Variants in EMILIN2 observed in about 807,000 individuals in gnomAD.
EMILIN2 encodes the protein elastin microfibril interfacer 2.
In EMILIN2, 71 loss-of-function variants were observed where a neutral mutation model predicts 87.1. The ratio of observed to expected loss-of-function variants is 0.82; its 90% CI spans 0.67 to 0.99. The LOEUF (loss-of-function observed/expected upper bound fraction) is 0.99. EMILIN2 is among the 50% of genes least tolerant of loss of function. EMILIN2 has a pLI of 0.00. For missense variants in EMILIN2, 1,407 were observed against 1,371.8 expected (o/e 1.03, Z -0.40); for synonymous variants, 581 against 563.4 (o/e 1.03, Z -0.44).
chr18:2,911,042 A>G (rs1020276433), intron 7 of EMILIN2, among the ~76,000 whole-genome samples: 4 of 152,178 alleles, frequency 2.6e-5, no homozygotes, highest in Non-Finnish European at 4.4e-5. Context: ...ACAGGCCTCA[A>G]TGCTTGCCTC....
At chr18:2,888,530 A>G (rs1052413774) in intron 3 of EMILIN2, among the ~76,000 whole-genome samples, 36 of 152,136 alleles carry the variant, frequency 2.4e-4, no homozygotes, top group African/African-American at 8.7e-4. Flanking sequence ...CCTGGCTAAC[A>G]CAGTGAAACC....
chr18:2,847,246 C>A lies in EMILIN2; in HGVS notation c.58C>A (p.Leu20Met). 7.8e-7 allele frequency: 1 copy of A among 1,285,196 alleles called. No individual in the cohort carries two copies. Among genetic ancestry groups the A allele is most frequent in the Non-Finnish European group, 9.8e-7 (1 of 1,017,886 alleles). 79.6% of individuals were successfully genotyped at this position (1,285,196 alleles called of 1,614,324 possible). A position where few individuals can be genotyped will look rare whatever the true frequency, so the allele number is the denominator to read the frequency against. Residue 20 changes from leucine (L) to methionine (M), a missense_variant, in exon 1 of 8, where the codon CTG becomes ATG. By Grantham distance (15) the Leu-to-Met change is conservative. Coordinates refer to ENST00000254528, the MANE Select transcript of EMILIN2 (RefSeq NM_032048.3). This position sits in a 1 kb window ranked among gnomAD's most constrained non-coding sequence, Gnocchi z 4.5. ...RVPWRWALAL[L>M]ALVGAGLCHA... ...GCCCTGGCGCTGGGCGCTGGCGCTG[C>A]TGGCCCTGGTTGGCGCGGGGCTGTG...
chr18:2,878,171 G>GTGGT (rs2076759162), intron 2 of EMILIN2, among the ~76,000 whole-genome samples: 1 of 152,152 alleles, frequency 6.6e-6, no homozygotes, highest in South Asian at 2.1e-4. Flanking sequence ...CCGCACAATT[G>GTGGT]TATGCTTAAA....
At position 2,906,916 on chromosome 18, in the gene EMILIN2, C is replaced by A. The variant is rs929064586; in HGVS notation, c.2493C>A (p.Pro831=). 1 of 1,395,662 alleles carries A rather than the reference C, an allele frequency of 7.2e-7. No homozygotes were observed. Among genetic ancestry groups the A allele is most frequent in the South Asian group, 1.5e-5 (1 of 65,248 alleles). The allele number at this position is 1,395,662 out of a possible 1,614,324, so 86.5% of individuals were successfully genotyped here. A position where few individuals can be genotyped will look rare whatever the true frequency, so the allele number is the denominator to read the frequency against. ...GRRPVLPQRP[P]EERPPQPPGS... ...GGCCCGTCCTGCCCCAGCGGCCCCC[C>A]GAGGAGAGGCCGCCCCAGCCGCCAG... The change falls in exon 5 of 8, where the codon CCC becomes CCA. Residue 831 remains proline (P), a synonymous_variant. Transcript: ENST00000254528.
chr18:2,862,245 C>T (rs1433303265), intron 2 of EMILIN2, among the ~76,000 whole-genome samples: 4 of 152,072 alleles, frequency 2.6e-5, no homozygotes, highest in Non-Finnish European at 5.9e-5. Context: ...TGCCTCATTG[C>T]CCTGGCCAGA....
At chr18:2,874,245 G>C (rs1208514638) in intron 2 of EMILIN2, among the ~76,000 whole-genome samples, 1 of 152,092 alleles carries the variant, frequency 6.6e-6, no homozygotes, top group African/African-American at 2.4e-5. Flanking sequence ...TTAAGAGACA[G>C]TGTCTCATTA....
rs772348013 is a variant in EMILIN2, at chr18:2,891,559, G to A, written c.1432G>A (p.Ala478Thr). The A allele has an allele frequency of 1.7e-5, 28 of 1,614,026 alleles. No individual in the cohort carries two copies. Among genetic ancestry groups the A allele is most frequent in the Admixed American group, 5.0e-5 (3 of 60,018 alleles). The change falls in exon 4 of 8, where the codon GCC becomes ACC. Residue 478 changes from alanine to threonine, a missense_variant. By Grantham distance (58) the Ala-to-Thr change is moderately conservative. Transcript: ENST00000254528. This position sits in a 1 kb window ranked among gnomAD's most constrained non-coding sequence, Gnocchi z 4.6. Reference sequence around the variant, plus strand: ...TTACATTGAGGAAACCCTTCGGGGCGCCATTAATGGAGAGGTGGGTGACTT... The same window carrying A: ...TTACATTGAGGAAACCCTTCGGGGCACCATTAATGGAGAGGTGGGTGACTT... ...CFYIEETLRG[A>T]INGEVGDLKQ...
At position 2,847,455 on chromosome 18, in the gene EMILIN2, T is replaced by G; in HGVS notation, c.134+133T>G. The G allele has an allele frequency of 9.4e-7, 1 of 1,060,940 alleles. No homozygotes were observed. Among genetic ancestry groups the G allele is most frequent in the Non-Finnish European group, 1.2e-6 (1 of 825,554 alleles). The allele number at this position is 1,060,940 out of a possible 1,614,324, so 65.7% of individuals were successfully genotyped here. A position where few individuals can be genotyped will look rare whatever the true frequency, so the allele number is the denominator to read the frequency against. On this transcript the variant is annotated intron_variant, in intron 1 of 7. Coordinates refer to ENST00000254528, the MANE Select transcript of EMILIN2 (RefSeq NM_032048.3). The surrounding 1 kb of genome is among the most constrained non-coding windows in gnomAD (Gnocchi z 4.5). ...CCTTGGACTTCCCCGGGCGGCTCCC[T>G]CTGCGGGGGACCGCGCGCTCCGCAG...
At chr18:2,910,065 G>A (rs113367521) in intron 7 of EMILIN2, among the ~76,000 whole-genome samples, 152 of 152,160 alleles carry the variant, frequency 1.0e-3, no homozygotes, top group Middle Eastern at 3.4e-3. Context: ...AGGTCAACAC[G>A]CTAGTCCTCA....
At chr18:2,862,937 G>T (rs187595634) in intron 2 of EMILIN2, among the ~76,000 whole-genome samples, 1 of 152,142 alleles carries the variant, frequency 6.6e-6, no homozygotes, top group Non-Finnish European at 1.5e-5. Context: ...ACTTCTTCCT[G>T]GTTTAGTCTT....
intron 2 of EMILIN2, among the ~76,000 whole-genome samples, chr18:2,856,164 A>G (rs923125377): frequency 6.6e-6 from 1 of 152,108 alleles, no homozygotes; most frequent in African/African-American, 2.4e-5. Context: ...CGCTTGAGTC[A>G]AGGAGTTTGA....
chr18:2,891,997 C>T lies in EMILIN2; in HGVS notation c.1870C>T (p.His624Tyr), dbSNP rs1302048193. Residue 624 changes from histidine to tyrosine, a missense_variant, in exon 4 of 8, where the codon CAT becomes TAT. Transcript: ENST00000254528. This position sits in a 1 kb window ranked among gnomAD's most constrained non-coding sequence, Gnocchi z 4.6. ...QLNHTENDVT[H>Y]LQKEMSNCRA... ...AAACCACACAGAAAATGATGTGACT[C>T]ATCTTCAAAAGGAAATGAGCAATTG... 2 of 1,614,122 alleles carry T rather than the reference C, an allele frequency of 1.2e-6. No individual in the cohort carries two copies. The highest frequency in any genetic ancestry group is 1.3e-5 in the African/African-American group (1 of 74,936).
chr18:2,887,660 T>C (rs753952338), intron 3 of EMILIN2, among the ~76,000 whole-genome samples: 1 of 152,232 alleles, frequency 6.6e-6, no homozygotes, highest in East Asian at 1.9e-4. Context: ...GCTGACACCA[T>C]GTTTCTTGTA....
chr18:2,891,773 T>C lies in EMILIN2; in HGVS notation c.1646T>C (p.Val549Ala). 6.2e-7 allele frequency: 1 copy of C among 1,614,216 alleles called. No individual in the cohort carries two copies. Among genetic ancestry groups the C allele is most frequent in the Non-Finnish European group, 8.5e-7 (1 of 1,180,036 alleles). Residue 549 changes from valine to alanine, a missense_variant, in exon 4 of 8, where the codon GTT (valine) becomes GCT (alanine). Val to Ala is a moderately conservative substitution (Grantham distance 64). Transcript: ENST00000254528. This position sits in a 1 kb window ranked among gnomAD's most constrained non-coding sequence, Gnocchi z 4.6. ...LNHLKDKVQV[V>A]EDICLLNIQG... ...CACCTGAAGGACAAAGTTCAAGTTGTTGAAGACATTTGCCTGCTGAACATC... is the reference window on the plus strand; with the variant it reads ...CACCTGAAGGACAAAGTTCAAGTTGCTGAAGACATTTGCCTGCTGAACATC...
chr18:2,913,307 TC>T lies in EMILIN2; in HGVS notation c.3066del (p.Val1023TrpfsTer2). 6.2e-7 allele frequency: 1 copy of T among 1,613,236 alleles called. No homozygotes were observed. Among genetic ancestry groups the T allele is most frequent in the Non-Finnish European group, 8.5e-7 (1 of 1,179,486 alleles). On this transcript the variant is annotated frameshift_variant, in exon 8 of 8. Coordinates refer to ENST00000254528, the MANE Select transcript of EMILIN2 (RefSeq NM_032048.3). LOFTEE classifies it high-confidence loss of function. The part of the protein sequence containing the change: ...VHLKAGDAVN[V>X]VVTGGKLAHT... ...CTGAAGGCGGGAGATGCAGTCAACG[TC>T]GTGGTGACTGGGGGCAAGCTGGCTC...
rs1163686536 is a variant in EMILIN2, at chr18:2,891,654, C to T, written c.1527C>T (p.Thr509=). 15 of 1,613,934 alleles carry T rather than the reference C, an allele frequency of 9.3e-6. No individual in the cohort carries two copies. Among genetic ancestry groups the T allele is most frequent in the African/African-American group, 1.3e-5 (1 of 74,896 alleles). The change falls in exon 4 of 8, where the codon ACC becomes ACT. Residue 509 remains threonine, a synonymous_variant. Coordinates refer to ENST00000254528, the MANE Select transcript of EMILIN2 (RefSeq NM_032048.3). The surrounding 1 kb of genome is among the most constrained non-coding windows in gnomAD (Gnocchi z 4.6). ...DRLGSVLLQM[T]NNTGAELSPP... is the part of the protein sequence containing the mutation. ...TGGGGAGCGTTCTCCTACAGATGAC[C>T]AATAACACTGGTGCAGAGCTCAGTC... is the stretch of plus-strand genomic sequence containing the variant.
chr18:2,889,692 CT>C (rs34248672), intron 3 of EMILIN2, among the ~76,000 whole-genome samples: 17,624 of 96,584 alleles, frequency 0.18, 1,152 homozygotes, highest in African/African-American at 0.2. Context: ...TTTTTCTTTT[CT>C]TTTTTTTTTT....
chr18:2,867,325 T>A (rs2076691369), intron 2 of EMILIN2, among the ~76,000 whole-genome samples: 1 of 151,810 alleles, frequency 6.6e-6, no homozygotes, highest in Admixed American at 6.6e-5. Context: ...ACAATAGTAG[T>A]TATTTATTTT....
rs975173111 is a variant in EMILIN2, at chr18:2,909,101, C to A, written c.2695+126C>A. 6 of 1,215,064 alleles carry A rather than the reference C, an allele frequency of 4.9e-6. No individual in the cohort carries two copies. In the African/African-American group the frequency reaches 7.5e-5, roughly 15 times the overall value. 75.3% of individuals were successfully genotyped at this position (1,215,064 alleles called of 1,614,324 possible). On this transcript the variant is annotated intron_variant, in intron 6 of 7. Transcript: ENST00000254528. ...AATCAAGCCTGGGCCCAGCCCTTCC[C>A]CACCCACCAGCACTGGGACAGCCCT...
Sources: gnomAD v4.1 joint callset for allele counts (sites outside exome capture counted in the v4.1 genomes callset) on GRCh38, gnomAD v4.1.1 for gene constraint, Gnocchi (gnomAD v3.1) non-coding constraint, MANE v1.5 for transcripts, NCBI Gene and HGNC (gene_info 2026-07-23, HGNC 2026-07-21) for gene names.